FOXN3: variants seen among roughly 807,000 people sequenced by gnomAD.
FOXN3 encodes the protein forkhead box protein N3.
In FOXN3, 7 loss-of-function variants were observed where a neutral mutation model predicts 38.4. The ratio of observed to expected loss-of-function variants is 0.18; its 90% CI spans 0.10 to 0.34. The LOEUF (loss-of-function observed/expected upper bound fraction) is 0.34. Ranked by LOEUF, FOXN3 falls within the 10% of genes least tolerant of loss-of-function variation. The pLI is 1.00. For missense variants in FOXN3, 456 were observed against 613.4 expected (o/e 0.74, Z 2.71); for synonymous variants, 230 against 242.2 (o/e 0.95, Z 0.47).
intron 2 of FOXN3, among the ~76,000 whole-genome samples, chr14:89,399,542 T>C (rs1013281323): frequency 9.9e-5 from 15 of 152,178 alleles, no homozygotes; most frequent in Non-Finnish European, 2.9e-5. Flanking sequence ...CCAACTCGAG[T>C]GACTCTCTTG....
intron 1 of FOXN3, among the ~76,000 whole-genome samples, chr14:89,545,980 G>A (rs1168596054): frequency 2.0e-5 from 3 of 152,100 alleles, no homozygotes; most frequent in Admixed American, 6.6e-5. Context: ...GCAGTCCTAG[G>A]TTCTTATTCA....
At chr14:89,604,026 GATT>G (rs1397639566) in intron 1 of FOXN3, among the ~76,000 whole-genome samples, 1 of 152,178 alleles carries the variant, frequency 6.6e-6, no homozygotes, top group Non-Finnish European at 1.5e-5. Context: ...AGGACAAACT[GATT>G]ACCTGTTTTG....
At chr14:89,365,432 C>T (rs992450727) in intron 2 of FOXN3, among the ~76,000 whole-genome samples, 8 of 152,192 alleles carry the variant, frequency 5.3e-5, no homozygotes, top group African/African-American at 1.9e-4. Flanking sequence ...AAACTCTACA[C>T]TGCTAAGTTC....
intron 4 of FOXN3, among the ~76,000 whole-genome samples, chr14:89,252,688 C>T (rs1596132780): frequency 1.3e-5 from 2 of 148,672 alleles, no homozygotes; most frequent in South Asian, 2.1e-4. Context: ...GGAAATTTTA[C>T]ATAAATATCT....
chr14:89,533,718 CTTA>C (rs1267755529), intron 1 of FOXN3, among the ~76,000 whole-genome samples: 1 of 143,316 alleles, frequency 7.0e-6, no homozygotes, highest in Admixed American at 7.0e-5. Context: ...AAGGTGAAAG[CTTA>C]TTATCAGCAA....
At chr14:89,369,996 T>C (rs575551367) in intron 2 of FOXN3, among the ~76,000 whole-genome samples, 3 of 152,346 alleles carry the variant, frequency 2.0e-5, no homozygotes, top group South Asian at 2.1e-4. Flanking sequence ...AAATCACAAA[T>C]AATTTTGGAT....
intron 3 of FOXN3, among the ~76,000 whole-genome samples, chr14:89,297,992 A>C (rs1887098389): frequency 6.6e-6 from 1 of 152,184 alleles, no homozygotes; most frequent in South Asian, 2.1e-4. Flanking sequence ...CTCTAAAAAA[A>C]CAAAACAACA....
At chr14:89,244,361 C>A (rs969874059) in intron 4 of FOXN3, among the ~76,000 whole-genome samples, 1 of 152,186 alleles carries the variant, frequency 6.6e-6, no homozygotes, top group East Asian at 1.9e-4. Flanking sequence ...CATCTATAAG[C>A]CCTCCTATTG....
intron 1 of FOXN3, among the ~76,000 whole-genome samples, chr14:89,596,659 G>A (rs1256851377): frequency 6.6e-6 from 1 of 152,110 alleles, no homozygotes; most frequent in African/African-American, 2.4e-5. Flanking sequence ...ATCTGGATCT[G>A]AAGTTTTCCT....
chr14:89,208,595 T>C (rs1888445694), intron 4 of FOXN3, among the ~76,000 whole-genome samples: 1 of 152,200 alleles, frequency 6.6e-6, no homozygotes. Context: ...TATTATACCT[T>C]ATAATTGGCC....
At chr14:89,559,073 G>A (rs1012047277) in intron 1 of FOXN3, among the ~76,000 whole-genome samples, 4 of 151,916 alleles carry the variant, frequency 2.6e-5, no homozygotes, top group African/African-American at 9.7e-5. Context: ...GAACTTATGC[G>A]AACAGGACAG....
intron 1 of FOXN3, among the ~76,000 whole-genome samples, chr14:89,566,664 T>C (rs1895357942): frequency 1.3e-5 from 2 of 152,194 alleles, no homozygotes; most frequent in African/African-American, 4.8e-5. Flanking sequence ...GGAAATGAGA[T>C]TATTCTAGAC....
intron 4 of FOXN3, among the ~76,000 whole-genome samples, chr14:89,245,761 T>G (rs1885275387): frequency 6.6e-6 from 1 of 152,238 alleles, no homozygotes; most frequent in Non-Finnish European, 1.5e-5. Flanking sequence ...GCTTATTCTA[T>G]GTGGGCCAAG....
intron 2 of FOXN3, among the ~76,000 whole-genome samples, chr14:89,411,086 A>T (rs1891532394): frequency 6.6e-6 from 1 of 152,144 alleles, no homozygotes; most frequent in Non-Finnish European, 1.5e-5. Flanking sequence ...CTCCTGTCAG[A>T]TCAGCGGTGG....
chr14:89,393,573 C>G (rs1891017987), intron 2 of FOXN3, among the ~76,000 whole-genome samples: 1 of 152,180 alleles, frequency 6.6e-6, no homozygotes, highest in Admixed American at 6.5e-5. Context: ...ACATGGCGGC[C>G]AGAAACGGAG....
chr14:89,258,554 C>T (rs1332173598), intron 4 of FOXN3, among the ~76,000 whole-genome samples: 1 of 152,220 alleles, frequency 6.6e-6, no homozygotes, highest in Non-Finnish European at 1.5e-5. Context: ...TGTGATACCA[C>T]CTGGACCACC....
chr14:89,270,093 G>T (rs1005618784), intron 4 of FOXN3, among the ~76,000 whole-genome samples: 3 of 152,168 alleles, frequency 2.0e-5, no homozygotes, highest in Admixed American at 2.0e-4. Flanking sequence ...AGCAATTCCA[G>T]CCCATCTCCA....
At chr14:89,602,485 A>AT (rs1187492557) in intron 1 of FOXN3, among the ~76,000 whole-genome samples, 2 of 151,332 alleles carry the variant, frequency 1.3e-5, no homozygotes, top group Non-Finnish European at 2.9e-5. Flanking sequence ...GGTAGGTGAC[A>AT]TTTTTTTCTT....
At chr14:89,373,829 C>G (rs1203856714) in intron 2 of FOXN3, among the ~76,000 whole-genome samples, 1 of 151,960 alleles carries the variant, frequency 6.6e-6, no homozygotes. Flanking sequence ...ACTATTCAAA[C>G]TAAAAATTAA....
Sources: allele counts gnomAD v4.1 joint callset (sites outside exome capture counted in the v4.1 genomes callset), GRCh38; gene constraint gnomAD v4.1.1; transcripts MANE v1.5; gene names NCBI Gene and HGNC (gene_info 2026-07-23, HGNC 2026-07-21).